The following ACOX1 variants were observed in gnomAD, a reference collection of about 807,000 sequenced individuals.
ACOX1 encodes the protein peroxisomal acyl-coenzyme A oxidase 1.
A neutral mutation model predicts 75.5 loss-of-function variants in ACOX1; 41 were observed. The observed-to-expected ratio is 0.54, with a 90% CI of 0.42 to 0.70. The LOEUF is 0.70. Among genes scored for constraint, ACOX1 ranks in the 30% least tolerant of loss-of-function variants. The pLI is 0.00. For missense variants in ACOX1, 630 were observed against 837.5 expected (o/e 0.75, Z 3.06); for synonymous variants, 303 against 298.8 (o/e 1.01, Z -0.15).
intron 2 of ACOX1, among the ~76,000 whole-genome samples, chr17:75,967,661 CATATATATACAT>C (rs1396250464): frequency 1.6e-4 from 15 of 93,290 alleles, no homozygotes; most frequent in Admixed American, 1.0e-4. Flanking sequence ...TATATACATA[CATATATATACAT>C]ATATATACGT....
chr17:75,956,419 G>A (rs1372990509), intron 4 of ACOX1, among the ~76,000 whole-genome samples: 2 of 152,180 alleles, frequency 1.3e-5, no homozygotes, highest in East Asian at 3.9e-4. Flanking sequence ...AGCCGGGCAC[G>A]GTGGCTCGCG....
In ACOX1 at chr17:75,945,434, A is replaced by G. The variant is rs1228255738; in HGVS notation, c.*1314T>C. The G allele has an allele frequency of 2.0e-5, 3 of 152,134 alleles. No individual in the cohort carries two copies. Among genetic ancestry groups the G allele is most frequent in the Non-Finnish European group, 4.4e-5 (3 of 68,016 alleles). The allele number at this position is 152,134 out of a possible 1,614,324, so 9.4% of individuals were successfully genotyped here. ...AGTCTCATATTACCAGTTCCCCAGG[A>G]TAGATAGATATTATGTCAGGTCCCA... On this transcript the variant is annotated 3_prime_UTR_variant, in exon 14 of 14. Transcript: ENST00000293217.
rs1411402667 is a variant in ACOX1, at chr17:75,960,814, C to G, written c.270-439G>C. On this transcript the variant is annotated intron_variant, in intron 2 of 13. Transcript: ENST00000293217. The surrounding 1 kb of genome is among the most constrained non-coding windows in gnomAD (Gnocchi z 4.4). ...CCAACATGGCAAAGCCCTGACTCTA[C>G]TAAAAATACAAAAATCAGCTGAACG... is the stretch of plus-strand genomic sequence containing the variant. Among the ~76,000 whole-genome samples the G allele has an allele frequency of 6.6e-6, 1 of 151,876 alleles. No individual in the cohort carries two copies. Among genetic ancestry groups the G allele is most frequent in the East Asian group, 1.9e-4 (1 of 5,168 alleles).
At chr17:75,976,966 T>C (rs2066056037) in intron 2 of ACOX1, among the ~76,000 whole-genome samples, 2 of 151,658 alleles carry the variant, frequency 1.3e-5, no homozygotes, top group Admixed American at 1.3e-4. Flanking sequence ...TGTAATAGTG[T>C]TTGTTTAGGT....
In ACOX1 at chr17:75,950,681, T is replaced by G; in HGVS notation, c.1298+93A>C. 7.4e-7 allele frequency: 1 copy of G among 1,355,710 alleles called. No individual in the cohort carries two copies. 84.0% of individuals were successfully genotyped at this position (1,355,710 alleles called of 1,614,324 possible). The stretch of plus-strand genomic sequence containing the variant: ...TACCTTTCAGGAACAAATATATATA[T>G]ACGGTGAAGAAAAACCATGGGAACA... On this transcript the variant is annotated intron_variant, in intron 9 of 13. Transcript: ENST00000293217. This position sits in a 1 kb window ranked among gnomAD's most constrained non-coding sequence, Gnocchi z 4.3.
At position 75,978,400 on chromosome 17, in the gene ACOX1, T is replaced by A. The variant is rs748199509; in HGVS notation, c.269+134A>T. 4.4e-5 allele frequency: 57 copies of A among 1,287,586 alleles called. No homozygotes were observed. Among genetic ancestry groups the A allele is most frequent in the Non-Finnish European group, 6.1e-5 (55 of 901,102 alleles). The allele number at this position is 1,287,586 out of a possible 1,614,324, so 79.8% of individuals were successfully genotyped here. Reference sequence around the variant, plus strand: ...GAGCCACCGCGCCCGGCCACACATATAACTTTATAAAGTTGCATGAAAATA... The same window carrying A: ...GAGCCACCGCGCCCGGCCACACATAAAACTTTATAAAGTTGCATGAAAATA... On this transcript the variant is annotated intron_variant, in intron 2 of 13. Coordinates refer to ENST00000293217, the MANE Select transcript of ACOX1 (RefSeq NM_004035.7). This position sits in a 1 kb window ranked among gnomAD's most constrained non-coding sequence, Gnocchi z 4.2.
intron 12 of ACOX1, among the ~76,000 whole-genome samples, chr17:75,948,690 A>G (rs1567872588): frequency 2.0e-5 from 3 of 151,462 alleles, no homozygotes; most frequent in African/African-American, 7.3e-5. Context: ...AAATAGCTGG[A>G]ATTACAGGCA....
Position 75,978,814 on chromosome 17 carries a change from A to C in ACOX1, c.110-121T>G. 6.2e-7 allele frequency: 1 copy of C among 1,602,468 alleles called. No individual in the cohort carries two copies. The highest frequency in any genetic ancestry group is 8.5e-7 in the Non-Finnish European group (1 of 1,178,246). Reference sequence around the variant, plus strand: ...ACCTGGGGAATGGCGATATCCCCCCACCAGGGACACAGGCTGTTCCTCGAA... The same window carrying C: ...ACCTGGGGAATGGCGATATCCCCCCCCCAGGGACACAGGCTGTTCCTCGAA... On this transcript the variant is annotated intron_variant, in intron 1 of 13. Transcript: ENST00000293217. The surrounding 1 kb of genome is among the most constrained non-coding windows in gnomAD (Gnocchi z 4.2).
At position 75,978,902 on chromosome 17, in the gene ACOX1, C is replaced by G; in HGVS notation, c.109+63G>C. Reference sequence around the variant, plus strand: ...CCTAGGCCCCACAGCGCCCCTGACTCCGCATCGAGGGAGTCTCCAGCTTTT... The same window carrying G: ...CCTAGGCCCCACAGCGCCCCTGACTGCGCATCGAGGGAGTCTCCAGCTTTT... On this transcript the variant is annotated intron_variant, in intron 1 of 13. Transcript: ENST00000293217. This position sits in a 1 kb window ranked among gnomAD's most constrained non-coding sequence, Gnocchi z 4.2. 6.2e-7 allele frequency: 1 copy of G among 1,602,884 alleles called. No individual in the cohort carries two copies. The highest frequency in any genetic ancestry group is 8.5e-7 in the Non-Finnish European group (1 of 1,178,306).
chr17:75,946,575 C>T lies in ACOX1; in HGVS notation c.*173G>A. On this transcript the variant is annotated 3_prime_UTR_variant, in exon 14 of 14. Coordinates refer to ENST00000293217, the MANE Select transcript of ACOX1 (RefSeq NM_004035.7). ...CTTTCAGTGTTAATTGCACTTAAAA[C>T]ATCTGCTTTTTTTCATTTAATCTCT... is the stretch of plus-strand genomic sequence containing the variant. The T allele has an allele frequency of 3.1e-6, 2 of 649,916 alleles. No homozygotes were observed. Among genetic ancestry groups the T allele is most frequent in the Non-Finnish European group, 5.5e-6 (2 of 360,966 alleles). 40.3% of individuals were successfully genotyped at this position (649,916 alleles called of 1,614,324 possible).
In ACOX1 at chr17:75,978,732, A is replaced by G; in HGVS notation, c.110-39T>C. 1 of 1,612,152 alleles carries G rather than the reference A, an allele frequency of 6.2e-7. No homozygotes were observed. The highest frequency in any genetic ancestry group is 8.5e-7 in the Non-Finnish European group (1 of 1,179,988). On this transcript the variant is annotated intron_variant, in intron 1 of 13. Coordinates refer to ENST00000293217, the MANE Select transcript of ACOX1 (RefSeq NM_004035.7). This position sits in a 1 kb window ranked among gnomAD's most constrained non-coding sequence, Gnocchi z 4.2. ...AAAGGGCATTAAAAGGCAGACAGAC[A>G]CTCGGGCCTCCGTTCCACCCTCCCT...
At chr17:75,947,132 A>G (rs906585777) in intron 13 of ACOX1, among the ~76,000 whole-genome samples, 6 of 151,946 alleles carry the variant, frequency 3.9e-5, no homozygotes, top group Non-Finnish European at 7.4e-5. Flanking sequence ...AGCCTCCCAA[A>G]GTGCTAGGAT....
chr17:75,946,754 C>T lies in ACOX1; in HGVS notation c.1977G>A (p.Lys659=). ...AACTTGTCCTTGTGACACTTCAGAG[C>T]TTGGACTGCAGTGACTTCAGGTGCT... ...SYKHLKSLQS[K]L is the part of the protein sequence containing the mutation. Residue 659 remains lysine (K), a synonymous_variant, in exon 14 of 14, where the codon AAG becomes AAA. Coordinates refer to ENST00000293217, the MANE Select transcript of ACOX1 (RefSeq NM_004035.7). 6.2e-7 allele frequency: 1 copy of T among 1,613,976 alleles called. No individual in the cohort carries two copies.
rs778503574 is a variant in ACOX1 at position 75,978,673 on chromosome 17, G to C, written c.130C>G (p.Pro44Ala). Residue 44 changes from proline (P) to alanine (A), a missense_variant, in exon 2 of 14, where the codon CCA becomes GCA. Pro to Ala is a conservative substitution (Grantham distance 27). Coordinates refer to ENST00000293217, the MANE Select transcript of ACOX1 (RefSeq NM_004035.7). The surrounding 1 kb of genome is among the most constrained non-coding windows in gnomAD (Gnocchi z 4.2). ...TTCAAGTCCTCATGCTGGAAGTCTG[G>C]GTCGTTCAGGATCATGTTCTCTGAA... ...REIENMILND[P>A]DFQHEDLNFL... is the part of the protein sequence containing the mutation. The C allele has an allele frequency of 6.2e-6, 10 of 1,614,018 alleles. No homozygotes were observed. In the African/African-American group the frequency reaches 1.3e-4, roughly 22 times the overall value.
At chr17:75,972,868 GAT>G (rs2066010179) in intron 2 of ACOX1, among the ~76,000 whole-genome samples, 1 of 152,108 alleles carries the variant, frequency 6.6e-6, no homozygotes, top group Non-Finnish European at 1.5e-5. Flanking sequence ...AACACAAAAT[GAT>G]GTTTCCCTGA....
Position 75,970,184 on chromosome 17 carries a change from C to CAAAAAAA in ACOX1, c.269+8343_269+8349dup, listed in dbSNP as rs55762557. ...CAGCTTGGGCAACATGAGACTCCTT[C>CAAAAAAA]AAAAAAAAAAAAAAAAAGAGGAAGG... is the stretch of plus-strand genomic sequence containing the variant. On this transcript the variant is annotated intron_variant, in intron 2 of 13. Coordinates refer to ENST00000293217, the MANE Select transcript of ACOX1 (RefSeq NM_004035.7). Among the ~76,000 whole-genome samples, 30 of 69,074 alleles carry CAAAAAAA rather than the reference C, an allele frequency of 4.3e-4. 1 individual carries two copies. Among genetic ancestry groups the CAAAAAAA allele is most frequent in the East Asian group, 2.9e-3 (8 of 2,758 alleles). The allele number at this position is 69,074 out of a possible 152,430, so 45.3% of individuals were successfully genotyped here.
intron 2 of ACOX1, among the ~76,000 whole-genome samples, chr17:75,965,328 ACT>A (rs1167332646): frequency 1.1e-4 from 14 of 126,056 alleles, no homozygotes; most frequent in African/African-American, 3.6e-5. Context: ...ACAGAGCGAG[ACT>A]CTGTCTCAAA....
rs977344601 is a variant in ACOX1 at position 75,944,710 on chromosome 17, C to T, written c.*2038G>A. 11 of 151,932 alleles carry T rather than the reference C, an allele frequency of 7.2e-5. No homozygotes were observed. The highest frequency in any genetic ancestry group is 2.4e-4 in the African/African-American group (10 of 41,390). 9.4% of individuals were successfully genotyped at this position (151,932 alleles called of 1,614,324 possible). On this transcript the variant is annotated 3_prime_UTR_variant, in exon 14 of 14. Transcript: ENST00000293217. ...GAATAAAGTTCAAGACAGAACATTC[C>T]AATATTAATAAAAATAGCATCAAAT...
chr17:75,962,406 G>T (rs1445367844), intron 2 of ACOX1, among the ~76,000 whole-genome samples: 1 of 152,162 alleles, frequency 6.6e-6, no homozygotes, highest in Admixed American at 6.6e-5. Flanking sequence ...ATAGGAAGTC[G>T]TTCTATAGGC....
Sources: allele counts gnomAD v4.1 joint callset (sites outside exome capture counted in the v4.1 genomes callset), GRCh38; gene constraint gnomAD v4.1.1; non-coding constraint Gnocchi (gnomAD v3.1); transcripts MANE v1.5; gene names NCBI Gene and HGNC (gene_info 2026-07-23, HGNC 2026-07-21).